The following STK32B variants were observed in gnomAD, a reference collection of about 807,000 sequenced individuals.
STK32B encodes the protein serine/threonine kinase 32B.
A neutral mutation model predicts 52.6 loss-of-function variants in STK32B; 43 were observed. The ratio of observed to expected loss-of-function variants is 0.82; its 90% confidence interval spans 0.64 to 1.05. The LOEUF is 1.05. Ranked by LOEUF, STK32B falls within the 50% of genes least tolerant of loss-of-function variation. The pLI is 0.00. For synonymous variants in STK32B, 238 were observed against 204.3 expected (o/e 1.17, Z -1.41); for missense variants, 621 against 534.6 (o/e 1.16, Z -1.59).
At chr4:5,185,292 T>A (rs1284687118) in intron 3 of STK32B, among the ~76,000 whole-genome samples, 3 of 152,212 alleles carry the variant, frequency 2.0e-5, no homozygotes, top group African/African-American at 7.2e-5. Flanking sequence ...TGAATGAACA[T>A]TCTCAGGATG....
At chr4:5,317,043 AT>A (rs1730991641) in intron 3 of STK32B, among the ~76,000 whole-genome samples, 2 of 29,030 alleles carry the variant, frequency 6.9e-5, no homozygotes, top group Non-Finnish European at 4.7e-5. Flanking sequence ...ATAATATATT[AT>A]ATATATAATA....
chr4:5,087,528 T>C (rs1474233721), intron 1 of STK32B, among the ~76,000 whole-genome samples: 2 of 152,036 alleles, frequency 1.3e-5, no homozygotes, highest in Non-Finnish European at 2.9e-5. Flanking sequence ...AAAACAGCTA[T>C]ATGCTATCTA....
chr4:5,408,978 T>TGGGGCTTGAATTCTGGCTGCA (rs1386164903), intron 5 of STK32B, among the ~76,000 whole-genome samples: 1 of 152,126 alleles, frequency 6.6e-6, no homozygotes, highest in Non-Finnish European at 1.5e-5. Flanking sequence ...GAAACCTACC[T>TGGGGCTTGAATTCTGGCTGCA]GGGGCTTGAA....
chr4:5,159,562 A>AATAT (rs1553840329), intron 2 of STK32B, among the ~76,000 whole-genome samples: 8 of 51,590 alleles, frequency 1.6e-4, no homozygotes, highest in African/African-American at 8.5e-4. Flanking sequence ...AATATATATG[A>AATAT]ATGAATATAT....
At position 5,399,839 on chromosome 4, in the gene STK32B, C is replaced by T. The variant is rs1201487192; in HGVS notation, c.472+1595C>T. ...AGCGCTCGGGAAGGGGTAGATAACTCGCCCTCTTCCTGTCCCCTTTCTCTG... is the reference window on the plus strand; with the variant it reads ...AGCGCTCGGGAAGGGGTAGATAACTTGCCCTCTTCCTGTCCCCTTTCTCTG... On this transcript the variant is annotated intron_variant, in intron 5 of 11. Coordinates refer to ENST00000282908, the MANE Select transcript of STK32B (RefSeq NM_018401.3). This position sits in a 1 kb window ranked among gnomAD's most constrained non-coding sequence, Gnocchi z 5.4. Among the ~76,000 whole-genome samples the T allele has an allele frequency of 2.0e-5, 3 of 152,134 alleles. No individual in the cohort carries two copies. The highest frequency in any genetic ancestry group is 2.9e-5 in the Non-Finnish European group (2 of 68,030).
chr4:5,138,013 T>A (rs1716176397), intron 1 of STK32B, among the ~76,000 whole-genome samples: 1 of 152,226 alleles, frequency 6.6e-6, no homozygotes, highest in East Asian at 1.9e-4. Flanking sequence ...ACAGGACATG[T>A]GCATTTCCTA....
intron 3 of STK32B, among the ~76,000 whole-genome samples, chr4:5,320,339 A>T (rs539226460): frequency 6.6e-5 from 10 of 152,302 alleles, no homozygotes; most frequent in African/African-American, 1.9e-4. Flanking sequence ...TTCTTGGTCC[A>T]GTGCCTCTTG....
intron 4 of STK32B, among the ~76,000 whole-genome samples, chr4:5,337,564 C>G (rs188494360): frequency 2.3e-4 from 35 of 152,208 alleles, no homozygotes; most frequent in African/African-American, 8.2e-4. Context: ...CACATGTATA[C>G]CATGACCAGT....
chr4:5,100,665 T>A (rs1444131626), intron 1 of STK32B, among the ~76,000 whole-genome samples: 1 of 58,736 alleles, frequency 1.7e-5, no homozygotes, highest in Non-Finnish European at 3.5e-5. Flanking sequence ...TCTTTCATTC[T>A]TTCTTTCTTT....
the STK32B span, among the ~76,000 whole-genome samples, chr4:5,028,951 C>G: frequency 6.6e-6 from 1 of 152,166 alleles, no homozygotes; most frequent in East Asian, 1.9e-4. Flanking sequence ...GGGAGCACAT[C>G]GCATGGCCGG....
chr4:5,328,564 CT>C (rs1312457008), intron 3 of STK32B, among the ~76,000 whole-genome samples: 1 of 152,172 alleles, frequency 6.6e-6, no homozygotes, highest in Non-Finnish European at 1.5e-5. Flanking sequence ...ATCCATGAAG[CT>C]TTGGGTGCTA....
intron 4 of STK32B, among the ~76,000 whole-genome samples, chr4:5,361,879 A>G (rs1047356201): frequency 1.3e-5 from 2 of 152,272 alleles, no homozygotes; most frequent in African/African-American, 4.8e-5. Context: ...ACAAATATTA[A>G]TATCATGTGA....
Position 5,134,233 on chromosome 4 carries a change from A to G in STK32B, c.53-5672A>G, listed in dbSNP as rs1715936821. ...GGTTTTAACGTGTTCCCCAAAGTTT[A>G]TGTGTTGGAAACTAAATTTCTAATG... On this transcript the variant is annotated intron_variant, in intron 1 of 11. Coordinates refer to ENST00000282908, the MANE Select transcript of STK32B (RefSeq NM_018401.3). Among the ~76,000 whole-genome samples, 5 of 152,318 alleles carry G rather than the reference A, an allele frequency of 3.3e-5. No individual in the cohort carries two copies. The South Asian group carries it at 6.2e-4, about 19-fold the overall frequency.
chr4:5,316,713 T>TA (rs1730848039), intron 3 of STK32B, among the ~76,000 whole-genome samples: 1 of 9,028 alleles, frequency 1.1e-4, no homozygotes, highest in South Asian at 4.5e-3. Context: ...TAATATATAA[T>TA]ATAATAATAT....
In STK32B at chr4:5,370,552, A is replaced by T. The variant is rs576985853; in HGVS notation, c.435-27655A>T. 4.6e-5 allele frequency among the ~76,000 whole-genome samples: 7 copies of T among 152,256 alleles called. No homozygotes were observed. In the East Asian group the frequency reaches 1.4e-3, roughly 29 times the overall value. Reference sequence around the variant, plus strand: ...GTGTAAAAGAAGCTTCTGGGCTTGGATGCTTCCAAGAAGCAGGTGACACAG... The same window carrying T: ...GTGTAAAAGAAGCTTCTGGGCTTGGTTGCTTCCAAGAAGCAGGTGACACAG... On this transcript the variant is annotated intron_variant, in intron 4 of 11. Coordinates refer to ENST00000282908, the MANE Select transcript of STK32B (RefSeq NM_018401.3).
intron 6 of STK32B, among the ~76,000 whole-genome samples, chr4:5,445,357 A>T (rs529195718): frequency 1.3e-5 from 2 of 152,280 alleles, no homozygotes; most frequent in African/African-American, 4.8e-5. Context: ...TCACAACAGT[A>T]TGTGGCTCCC....
At chr4:5,140,165 G>T in intron 2 of STK32B, 6 of 1,463,576 alleles carry the variant, frequency 4.1e-6, no homozygotes, top group Middle Eastern at 1.7e-4. Flanking sequence ...AACAGCCCTG[G>T]TTTAGGTGAA....
chr4:5,485,548 C>G (rs184376035), intron 11 of STK32B, among the ~76,000 whole-genome samples: 2 of 152,132 alleles, frequency 1.3e-5, no homozygotes, highest in Non-Finnish European at 2.9e-5. Flanking sequence ...TCCTTTAGCT[C>G]GGAGTTGTTT....
At chr4:5,302,899 C>T (rs67752493) in intron 3 of STK32B, among the ~76,000 whole-genome samples, 20,920 of 151,946 alleles carry the variant, frequency 0.14, 2,893 homozygotes, top group African/African-American at 0.36. Context: ...TAATGGTCTC[C>T]GTTACCATCC....
Sources: gnomAD v4.1 joint callset for allele counts (sites outside exome capture counted in the v4.1 genomes callset) on GRCh38, gnomAD v4.1.1 for gene constraint, Gnocchi (gnomAD v3.1) non-coding constraint, MANE v1.5 for transcripts, NCBI Gene and HGNC (gene_info 2026-07-23, HGNC 2026-07-21) for gene names.